Variants in EPB41 observed in about 807,000 individuals in gnomAD.
EPB41 encodes protein 4.1.
In EPB41, 65 loss-of-function variants were observed where a neutral mutation model predicts 108.0. The ratio of observed to expected loss-of-function variants is 0.60; its 90% CI spans 0.49 to 0.74. EPB41 has a LOEUF of 0.74. Among genes scored for constraint, EPB41 ranks in the 30% least tolerant of loss-of-function variants. The probability of loss-of-function intolerance (pLI) is 0.00; values close to 1 mark genes in which losing one functional copy is unlikely to be tolerated. For synonymous variants in EPB41, 336 were observed against 358.9 expected, an observed-to-expected ratio of 0.94 and a Z score of 0.72; for missense variants, 875 against 1,037.0, an observed-to-expected ratio of 0.84 and a Z score of 2.15.
intron 1 of EPB41, among the ~76,000 whole-genome samples, chr1:28,938,746 TG>T (rs1210566065): frequency 1.3e-5 from 2 of 152,126 alleles, no homozygotes; most frequent in Non-Finnish European, 2.9e-5. Context: ...TTGCCCAGGC[TG>T]GTCTCAAACT....
At chr1:28,962,227 AT>A (rs2095238949) in intron 1 of EPB41, among the ~76,000 whole-genome samples, 1 of 151,880 alleles carries the variant, frequency 6.6e-6, no homozygotes, top group Non-Finnish European at 1.5e-5. Context: ...TGCCCGGCTA[AT>A]TTTTGTACTT....
chr1:29,004,440 G>A (rs968285970), intron 4 of EPB41, among the ~76,000 whole-genome samples: 6 of 152,168 alleles, frequency 3.9e-5, no homozygotes, highest in Non-Finnish European at 5.9e-5. Flanking sequence ...CAGGCAAAGA[G>A]CAAACACCAA....
chr1:28,906,715 T>C (rs942899629), intron 1 of EPB41, among the ~76,000 whole-genome samples: 13 of 152,182 alleles, frequency 8.5e-5, no homozygotes, highest in Non-Finnish European at 2.9e-5. Context: ...TAGAGGACAG[T>C]GGCATCAGAC....
rs1287955449 is a variant in EPB41 at position 29,119,989 on chromosome 1, T to C, written c.*3177T>C. On this transcript the variant is annotated 3_prime_UTR_variant, in exon 21 of 21. Coordinates refer to ENST00000343067, the MANE Select transcript of EPB41 (RefSeq NM_001376013.1). Reference sequence around the variant, plus strand: ...AGTGGTTGTAGTGTTTAGATATCTGTTTGGTCTTGCTTCTTGTATTGCATT... The same window carrying C: ...AGTGGTTGTAGTGTTTAGATATCTGCTTGGTCTTGCTTCTTGTATTGCATT... 2 of 152,598 alleles carry C rather than the reference T, an allele frequency of 1.3e-5. No individual in the cohort carries two copies. The highest frequency in any genetic ancestry group is 2.4e-5 in the African/African-American group (1 of 41,408). 9.5% of individuals were successfully genotyped at this position (152,598 alleles called of 1,614,324 possible). A position where few individuals can be genotyped will look rare whatever the true frequency, so the allele number is the denominator to read the frequency against.
intron 16 of EPB41, among the ~76,000 whole-genome samples, chr1:29,075,244 G>A (rs1044311839): frequency 1.3e-5 from 2 of 151,540 alleles, no homozygotes; most frequent in Non-Finnish European, 2.9e-5. Flanking sequence ...TCGGAAGGCC[G>A]AGGTGGGCAG....
chr1:29,075,953 A>G (rs901292833), intron 16 of EPB41, among the ~76,000 whole-genome samples: 1 of 152,206 alleles, frequency 6.6e-6, no homozygotes, highest in Non-Finnish European at 1.5e-5. Context: ...CTTTGTTTCA[A>G]TATCTCCTGA....
At chr1:29,111,098 C>T (rs1005672451) in intron 18 of EPB41, among the ~76,000 whole-genome samples, 1 of 151,112 alleles carries the variant, frequency 6.6e-6, no homozygotes, top group Non-Finnish European at 1.5e-5. Flanking sequence ...ACCCAAGAGG[C>T]GGAGGTTGCA....
chr1:28,982,458 G>T (rs1280804108), intron 1 of EPB41: 3 of 768,968 alleles, frequency 3.9e-6, no homozygotes, highest in Non-Finnish European at 7.2e-6. Context: ...CTGTCACTTT[G>T]CAGGGGTAGT....
chr1:28,956,058 G>T (rs777194959), intron 1 of EPB41, among the ~76,000 whole-genome samples: 1 of 152,196 alleles, frequency 6.6e-6, no homozygotes, highest in African/African-American at 2.4e-5. Flanking sequence ...AATTAGATGT[G>T]TGTGCAGTAA....
chr1:28,961,087 C>T (rs1338235570), intron 1 of EPB41, among the ~76,000 whole-genome samples: 3 of 149,564 alleles, frequency 2.0e-5, no homozygotes, highest in Admixed American at 6.7e-5. Context: ...TGATGTGTCT[C>T]TTTCTTTCTT....
intron 1 of EPB41, among the ~76,000 whole-genome samples, chr1:28,900,810 C>T (rs2091208004): frequency 6.6e-6 from 1 of 152,186 alleles, no homozygotes; most frequent in Non-Finnish European, 1.5e-5. Flanking sequence ...AGGGACTTTG[C>T]ACTTGCCAGT....
chr1:28,926,582 T>A (rs2093461577), intron 1 of EPB41, among the ~76,000 whole-genome samples: 1 of 152,230 alleles, frequency 6.6e-6, no homozygotes. Context: ...TTCTTACTAA[T>A]TGTGATCTTG....
chr1:28,960,115 G>A (rs1322815463), intron 1 of EPB41, among the ~76,000 whole-genome samples: 3 of 148,912 alleles, frequency 2.0e-5, no homozygotes, highest in African/African-American at 7.4e-5. Context: ...TAGTCTTCCT[G>A]CCTCAGCCTC....
intron 11 of EPB41, among the ~76,000 whole-genome samples, chr1:29,049,213 T>C (rs899434053): frequency 2.6e-5 from 4 of 152,236 alleles, no homozygotes; most frequent in African/African-American, 7.2e-5. Context: ...TAGCTAATAA[T>C]GATGACAAAG....
chr1:29,010,929 A>G (rs1419876803), intron 4 of EPB41, among the ~76,000 whole-genome samples: 2 of 152,130 alleles, frequency 1.3e-5, no homozygotes, highest in African/African-American at 4.8e-5. Flanking sequence ...CCTGACCAAC[A>G]TGGTGAAACC....
intron 17 of EPB41, among the ~76,000 whole-genome samples, chr1:29,100,884 A>G (rs902269145): frequency 1.3e-5 from 2 of 150,560 alleles, no homozygotes; most frequent in African/African-American, 4.9e-5. Context: ...AGCTAGAGTC[A>G]TGCCATTGTA....
intron 7 of EPB41, among the ~76,000 whole-genome samples, chr1:29,022,632 A>G (rs1009673180): frequency 1.3e-5 from 2 of 151,958 alleles, no homozygotes; most frequent in African/African-American, 4.8e-5. Flanking sequence ...GAGGCAGGAG[A>G]ATCACTTTAA....
At chr1:28,888,226 G>T (rs372394088) in intron 1 of EPB41, among the ~76,000 whole-genome samples, 1 of 152,246 alleles carries the variant, frequency 6.6e-6, no homozygotes, top group East Asian at 1.9e-4. Flanking sequence ...ACAGAACCTG[G>T]CTGGGGCTGG....
chr1:28,985,463 A>G (rs763928886), intron 1 of EPB41, among the ~76,000 whole-genome samples: 2 of 152,208 alleles, frequency 1.3e-5, no homozygotes, highest in African/African-American at 4.8e-5. Flanking sequence ...ATTACAGATA[A>G]TAAGTGCAGT....
Sources: allele counts gnomAD v4.1 joint callset (sites outside exome capture counted in the v4.1 genomes callset), GRCh38; gene constraint gnomAD v4.1.1; transcripts MANE v1.5; gene names NCBI Gene and HGNC (gene_info 2026-07-23, HGNC 2026-07-21).